Variants in FAAH2 observed in about 807,000 individuals in gnomAD.
FAAH2 encodes the protein fatty-acid amide hydrolase 2.
A neutral mutation model predicts 36.9 loss-of-function variants in FAAH2; 60 were observed. That is an observed-to-expected ratio of 1.63 (90% CI 1.32 to 2.02). The LOEUF is 2.02. Ranked by LOEUF, FAAH2 falls within the 30% of genes most tolerant of loss-of-function variation. The pLI, the probability that FAAH2 is intolerant of heterozygous loss-of-function variation, is 0.00. For synonymous variants in FAAH2, 214 were observed against 143.8 expected (o/e 1.49, Z -3.49); for missense variants, 689 against 397.5 (o/e 1.73, Z -6.23).
intron 5 of FAAH2, among the ~76,000 whole-genome samples, chrX:57,364,244 TC>T (rs2054357258): frequency 9.1e-6 from 1 of 109,406 alleles, no homozygotes; most frequent in African/African-American, 3.3e-5. Context: ...GCATTATTGG[TC>T]TTTTCAGGGT....
chrX:57,378,002 G>C (rs1300653622), intron 5 of FAAH2, among the ~76,000 whole-genome samples: 2 of 112,079 alleles, frequency 1.8e-5, no homozygotes, highest in Non-Finnish European at 3.8e-5. Context: ...CTGAGACTTT[G>C]CTAAAGTTGC....
intron 3 of FAAH2, among the ~76,000 whole-genome samples, chrX:57,319,514 G>T (rs1157475718): frequency 9.0e-6 from 1 of 111,489 alleles, no homozygotes; most frequent in Admixed American, 9.6e-5. Context: ...GCTCAAGGAA[G>T]TAAGAGAGGA....
In FAAH2 at chrX:57,479,892, A is replaced by G. The variant is rs190443015; in HGVS notation, c.1424-8865A>G. Among the ~76,000 whole-genome samples, 196 of 111,880 alleles carry G rather than the reference A, an allele frequency of 1.8e-3. 2 individuals carry two copies. Among genetic ancestry groups the G allele is most frequent in the African/African-American group, 6.0e-3 (186 of 30,777 alleles). On this transcript the variant is annotated intron_variant, in intron 10 of 10. Coordinates refer to ENST00000374900, the MANE Select transcript of FAAH2 (RefSeq NM_174912.4). The stretch of plus-strand genomic sequence containing the variant: ...AGACTAATAAAGAAGAAAAGAGAGA[A>G]GAATCAAATAGACGCAATAAAAAAT...
the FAAH2 span, among the ~76,000 whole-genome samples, chrX:57,132,717 G>A: frequency 8.9e-6 from 1 of 112,363 alleles, no homozygotes; most frequent in African/African-American, 3.2e-5. Flanking sequence ...TCTCCAAGTT[G>A]TCAGAGTGAT....
At chrX:57,468,189 C>T (rs756505483) in intron 10 of FAAH2, among the ~76,000 whole-genome samples, 1 of 111,546 alleles carries the variant, frequency 9.0e-6, no homozygotes, top group African/African-American at 3.3e-5. Context: ...AATCAGAGCA[C>T]CTCTCCCCCT....
the FAAH2 span, among the ~76,000 whole-genome samples, chrX:57,245,747 A>G: frequency 8.9e-6 from 1 of 112,683 alleles, no homozygotes; most frequent in African/African-American, 3.2e-5. Flanking sequence ...GGAAAATTAT[A>G]GCACTAAATG....
intron 7 of FAAH2, among the ~76,000 whole-genome samples, chrX:57,389,862 TA>T (rs1330407285): frequency 9.1e-6 from 1 of 109,361 alleles, no homozygotes; most frequent in Non-Finnish European, 1.9e-5. Flanking sequence ...CACTTACCTT[TA>T]AAAAAAAATA....
chrX:57,449,093 G>A (rs1031790288), intron 10 of FAAH2, among the ~76,000 whole-genome samples: 1 of 111,634 alleles, frequency 9.0e-6, no homozygotes, highest in South Asian at 3.7e-4. Context: ...GAAGATTCTT[G>A]TACAGAAGAC....
chrX:57,322,158 G>T (rs1427946063), intron 3 of FAAH2, among the ~76,000 whole-genome samples: 1 of 110,879 alleles, frequency 9.0e-6, no homozygotes, highest in African/African-American at 3.3e-5. Context: ...ATCCGCCACC[G>T]CGCCTGGCTA....
rs569713996 is a variant in FAAH2 at position 57,463,266 on chromosome X, T to C, written c.1423+14548T>C. On this transcript the variant is annotated intron_variant, in intron 10 of 10. Transcript: ENST00000374900. Reference sequence around the variant, plus strand: ...ATTTATAGATTCAATTCTATTCCCATCAAGGTATTAGTGACTCTCTTCACA... The same window carrying C: ...ATTTATAGATTCAATTCTATTCCCACCAAGGTATTAGTGACTCTCTTCACA... 1.8e-4 allele frequency among the ~76,000 whole-genome samples: 20 copies of C among 111,422 alleles called. No homozygotes were observed. In the East Asian group the frequency reaches 3.6e-3, roughly 20 times the overall value.
intron 5 of FAAH2, among the ~76,000 whole-genome samples, chrX:57,353,742 G>A (rs749747837): frequency 9.0e-6 from 1 of 110,694 alleles, no homozygotes; most frequent in Admixed American, 9.6e-5. Context: ...TATATAACAA[G>A]CTCAACTCAA....
chrX:57,382,340 G>T (rs1254221626), intron 7 of FAAH2, among the ~76,000 whole-genome samples: 2 of 111,181 alleles, frequency 1.8e-5, no homozygotes, highest in Admixed American at 1.9e-4. Context: ...AAGAACTGAA[G>T]GAGATAGAGA....
chrX:57,302,523 C>A (rs2052403179), intron 2 of FAAH2, among the ~76,000 whole-genome samples: 1 of 110,918 alleles, frequency 9.0e-6, no homozygotes, highest in African/African-American at 3.3e-5. Context: ...GGAATTAGTG[C>A]TCTGATAGGG....
At chrX:57,436,951 A>G (rs2056423222) in intron 8 of FAAH2, among the ~76,000 whole-genome samples, 1 of 111,248 alleles carries the variant, frequency 9.0e-6, no homozygotes, top group Non-Finnish European at 1.9e-5. Flanking sequence ...ACAGATCAGT[A>G]GTCTGAAGAG....
intron 4 of FAAH2, among the ~76,000 whole-genome samples, chrX:57,333,952 T>C (rs1454173417): frequency 9.0e-6 from 1 of 111,386 alleles, no homozygotes; most frequent in Non-Finnish European, 1.9e-5. Context: ...ACCTTATCTG[T>C]AGAAGAGCAA....
At chrX:57,164,997 G>A in the FAAH2 span, among the ~76,000 whole-genome samples, 3 of 112,480 alleles carry the variant, frequency 2.7e-5, no homozygotes, top group Non-Finnish European at 1.9e-5. Context: ...TCTGAAATGT[G>A]TAGATAAAAT....
chrX:57,287,021 A>G lies in FAAH2; in HGVS notation c.192+4A>G. 1 of 1,178,482 alleles carries G rather than the reference A, an allele frequency of 8.5e-7. No individual in the cohort carries two copies. The highest frequency in any genetic ancestry group is 1.1e-6 in the Non-Finnish European group (1 of 876,314). On this transcript the variant is annotated splice_donor_region_variant and intron_variant, in intron 1 of 10. Coordinates refer to ENST00000374900, the MANE Select transcript of FAAH2 (RefSeq NM_174912.4). ...CAAGCTGATCCGACAGAGAAAGGTG[A>G]GAATGCAATTCAGAAGAGGCTGGAG...
chrX:57,448,839 G>T, intron 10 of FAAH2, 121 bp downstream of exon 10: 1 of 678,439 alleles, frequency 1.5e-6, no homozygotes. Flanking sequence ...TAAAAGTGCT[G>T]TGTGATTGAA....
chrX:57,320,861 G>A (rs938864825), intron 3 of FAAH2, among the ~76,000 whole-genome samples: 10 of 111,760 alleles, frequency 8.9e-5, no homozygotes, highest in African/African-American at 3.2e-4. Context: ...TGAGTTGGCT[G>A]GGTGTGGTGG....
Sources: gnomAD v4.1 joint callset for allele counts (sites outside exome capture counted in the v4.1 genomes callset) on GRCh38, gnomAD v4.1.1 for gene constraint, MANE v1.5 for transcripts, NCBI Gene and HGNC (gene_info 2026-07-23, HGNC 2026-07-21) for gene names.